Variants in SNX29 observed in about 807,000 individuals in gnomAD.
SNX29 encodes sorting nexin-29.
In SNX29, 78 loss-of-function variants were observed where a neutral mutation model predicts 102.1. That is an observed-to-expected ratio of 0.76 (90% CI 0.64 to 0.92). The LOEUF is 0.92. Ranked by LOEUF, SNX29 falls within the 40% of genes least tolerant of loss-of-function variation. The pLI is 0.00. For missense variants in SNX29, 1,280 were observed against 1,061.7 expected, an observed-to-expected ratio of 1.21 and a Z score of -2.86; for synonymous variants, 580 against 414.5, an observed-to-expected ratio of 1.40 and a Z score of -4.85.
chr16:12,544,443 C>G (rs904183416), intron 20 of SNX29, among the ~76,000 whole-genome samples: 46 of 152,200 alleles, frequency 3.0e-4, no homozygotes, highest in African/African-American at 1.9e-4. Flanking sequence ...GTTTCTCTTT[C>G]TCTACCCTAT....
Position 12,111,906 on chromosome 16 carries a change from G to A in SNX29, c.1403-14727G>A, listed in dbSNP as rs193017248. Among the ~76,000 whole-genome samples, 5 of 151,792 alleles carry A rather than the reference G, an allele frequency of 3.3e-5. No homozygotes were observed. In the East Asian group the frequency reaches 9.6e-4, roughly 29 times the overall value. Reference sequence around the variant, plus strand: ...GAAGATCTGAGATGGGGTGTGTGGTGGGGGGTCTAGGAAGCACTCACTGCA... The same window carrying A: ...GAAGATCTGAGATGGGGTGTGTGGTAGGGGGTCTAGGAAGCACTCACTGCA... On this transcript the variant is annotated intron_variant, in intron 11 of 20. Coordinates refer to ENST00000566228, the MANE Select transcript of SNX29 (RefSeq NM_032167.5).
chr16:12,001,873 A>C (rs1446920191), intron 2 of SNX29, among the ~76,000 whole-genome samples: 2 of 151,994 alleles, frequency 1.3e-5, no homozygotes, highest in South Asian at 2.1e-4. Context: ...AAAAAATATC[A>C]GTTGGACCTG....
chr16:12,380,647 C>A, intron 16 of SNX29, among the ~76,000 whole-genome samples: 1 of 122,068 alleles, frequency 8.2e-6, no homozygotes, highest in Non-Finnish European at 1.6e-5. Context: ...ATCCATCCAC[C>A]CACCATCCAT....
At chr16:12,455,902 C>G (rs1322456345) in intron 18 of SNX29, among the ~76,000 whole-genome samples, 1 of 152,160 alleles carries the variant, frequency 6.6e-6, no homozygotes, top group African/African-American at 2.4e-5. Context: ...TACCTACCCA[C>G]CCATCTAGCA....
At chr16:12,423,142 G>A (rs1161514309) in intron 18 of SNX29, among the ~76,000 whole-genome samples, 1 of 151,908 alleles carries the variant, frequency 6.6e-6, no homozygotes, top group Admixed American at 6.6e-5. Context: ...TCCAAAGATG[G>A]ACCCTCGGCT....
chr16:12,037,302 C>T (rs1487572072), intron 4 of SNX29, among the ~76,000 whole-genome samples: 2 of 152,088 alleles, frequency 1.3e-5, no homozygotes, highest in Non-Finnish European at 2.9e-5. Context: ...ATTTGACTCC[C>T]AGGCCATTGT....
chr16:12,334,606 A>T (rs1048764186), intron 15 of SNX29, among the ~76,000 whole-genome samples: 13 of 152,254 alleles, frequency 8.5e-5, no homozygotes, highest in Admixed American at 7.8e-4. Context: ...TAGCCCATAG[A>T]TCTGTTTGAT....
At chr16:12,177,540 CAT>C (rs941865543) in intron 13 of SNX29, among the ~76,000 whole-genome samples, 2 of 152,200 alleles carry the variant, frequency 1.3e-5, no homozygotes, top group African/African-American at 4.8e-5. Context: ...AGCAGACTGT[CAT>C]ATTCTCTCAC....
chr16:12,483,114 G>GTTTTTGTTTTTT lies in SNX29; in HGVS notation c.2178+5260_2178+5261insGTTTTTTTTTTT, dbSNP rs71139598. Among the ~76,000 whole-genome samples the GTTTTTGTTTTTT allele has an allele frequency of 1.6e-3, 105 of 66,200 alleles. 16 individuals are homozygous for GTTTTTGTTTTTT. The highest frequency in any genetic ancestry group is 0.012 in the Middle Eastern group (1 of 82). The allele number at this position is 66,200 out of a possible 152,430, so 43.4% of individuals were successfully genotyped here. On this transcript the variant is annotated intron_variant, in intron 19 of 20. Transcript: ENST00000566228. The stretch of plus-strand genomic sequence containing the variant: ...AATAGATACATATTGAAGTTATTAA[G>GTTTTTGTTTTTT]TTTTTTTTTTTTTTTTTTTTTTTTT...
At chr16:12,306,051 C>A (rs2080327662) in intron 15 of SNX29, among the ~76,000 whole-genome samples, 1 of 151,936 alleles carries the variant, frequency 6.6e-6, no homozygotes, top group South Asian at 2.1e-4. Context: ...TGTCTCACAC[C>A]CTCCCTCAGC....
At chr16:12,525,239 A>G (rs1444710120) in intron 20 of SNX29, among the ~76,000 whole-genome samples, 1 of 152,096 alleles carries the variant, frequency 6.6e-6, no homozygotes, top group East Asian at 1.9e-4. Flanking sequence ...CCAGACTCCT[A>G]CCAGTATTGA....
At chr16:12,059,933 C>T (rs2050700256) in intron 8 of SNX29, among the ~76,000 whole-genome samples, 3 of 152,192 alleles carry the variant, frequency 2.0e-5, no homozygotes. Context: ...AAGCCACACA[C>T]TTTTTCTTCT....
rs540107399 is a variant in SNX29, at chr16:12,261,258, G to A, written c.1679-16675G>A. Among the ~76,000 whole-genome samples, 9 of 139,250 alleles carry A rather than the reference G, an allele frequency of 6.5e-5. No individual in the cohort carries two copies. The South Asian group carries it at 1.9e-3, about 29-fold the overall frequency. 91.4% of individuals were successfully genotyped at this position (139,250 alleles called of 152,430 possible). A position where few individuals can be genotyped will look rare whatever the true frequency, so the allele number is the denominator to read the frequency against. ...AGCTCGGGTCTGTGTGCGCACCCCC[G>A]GGTGAAGTGAGTGTTTGCTGAGCTC... On this transcript the variant is annotated intron_variant, in intron 14 of 20. Coordinates refer to ENST00000566228, the MANE Select transcript of SNX29 (RefSeq NM_032167.5).
Position 12,020,463 on chromosome 16 carries a change from A to G in SNX29, c.123-6857A>G, listed in dbSNP as rs570085937. Among the ~76,000 whole-genome samples, 4 of 152,064 alleles carry G rather than the reference A, an allele frequency of 2.6e-5. No individual in the cohort carries two copies. The South Asian group carries it at 8.3e-4, about 32-fold the overall frequency. On this transcript the variant is annotated intron_variant, in intron 3 of 20. Transcript: ENST00000566228. ...GTGATCTGCCCACCTCGGCCTCCCA[A>G]ATTGCTGGGATTGCAGGTGTGAGCA...
At chr16:11,993,919 G>T (rs2150996149) in intron 1 of SNX29, among the ~76,000 whole-genome samples, 1 of 152,292 alleles carries the variant, frequency 6.6e-6, no homozygotes. Context: ...TCAGGAGTTT[G>T]AGAGCAGCCT....
intron 15 of SNX29, among the ~76,000 whole-genome samples, chr16:12,334,858 A>G (rs1288956239): frequency 7.3e-6 from 1 of 137,638 alleles, no homozygotes; most frequent in East Asian, 2.2e-4. Flanking sequence ...CCCTATAGGC[A>G]TTTGTGTCAG....
chr16:12,442,033 G>A (rs572827593), intron 18 of SNX29, among the ~76,000 whole-genome samples: 7 of 152,278 alleles, frequency 4.6e-5, no homozygotes, highest in Admixed American at 2.6e-4. Context: ...GGCCACCTCA[G>A]CCTCCCAAAG....
chr16:12,561,966 C>G (rs796673254), intron 20 of SNX29, among the ~76,000 whole-genome samples: 90 of 152,242 alleles, frequency 5.9e-4, no homozygotes, highest in African/African-American at 2.1e-3. Flanking sequence ...GCATGATGTC[C>G]CCAGAGTGTC....
At chr16:12,258,828 G>T (rs1046262167) in intron 14 of SNX29, among the ~76,000 whole-genome samples, 1 of 152,120 alleles carries the variant, frequency 6.6e-6, no homozygotes, top group East Asian at 1.9e-4. Context: ...GGAGAGCGTT[G>T]TTATTTTTTA....
Sources: allele counts gnomAD v4.1 joint callset (sites outside exome capture counted in the v4.1 genomes callset), GRCh38; gene constraint gnomAD v4.1.1; transcripts MANE v1.5; gene names NCBI Gene and HGNC (gene_info 2026-07-23, HGNC 2026-07-21).